Variants in CELF4 observed in about 807,000 individuals in gnomAD.
The protein encoded by CELF4 is CUG-BP- and ETR-3-like factor 4.
Under a neutral mutation model 59.9 loss-of-function variants are expected in CELF4, and 18 were observed. The ratio of observed to expected loss-of-function variants is 0.30; its 90% confidence interval spans 0.21 to 0.45. The LOEUF (loss-of-function observed/expected upper bound fraction) is 0.45, where lower values mean the gene tolerates loss of function less well. Among genes scored for constraint, CELF4 ranks in the 20% least tolerant of loss-of-function variants. The probability of loss-of-function intolerance (pLI) is 1.00; values close to 1 mark genes in which losing one functional copy is unlikely to be tolerated. For synonymous variants in CELF4, 261 were observed against 267.1 expected, an observed-to-expected ratio of 0.98 and a Z score of 0.22; for missense variants, 456 against 689.0, an observed-to-expected ratio of 0.66 and a Z score of 3.79.
intron 1 of CELF4, among the ~76,000 whole-genome samples, chr18:37,557,598 T>C (rs935675456): frequency 3.3e-5 from 5 of 152,194 alleles, no homozygotes; most frequent in African/African-American, 1.2e-4. Context: ...TTAACAAAGG[T>C]GATAATTAAT....
intron 3 of CELF4, among the ~76,000 whole-genome samples, chr18:37,309,066 C>T (rs1284175477): frequency 6.6e-6 from 1 of 152,202 alleles, no homozygotes; most frequent in Non-Finnish European, 1.5e-5. Flanking sequence ...CTACTACCCA[C>T]CCATGCCAAA....
At chr18:37,386,441 GCCAGCTTGAGGGAGAA>G (rs933960648) in intron 2 of CELF4, among the ~76,000 whole-genome samples, 12 of 152,150 alleles carry the variant, frequency 7.9e-5, no homozygotes, top group Admixed American at 3.3e-4. Flanking sequence ...GTGTGGAGAG[GCCAGCTTGAGGGAGAA>G]CCAGCTTGAG....
chr18:37,272,202 G>T (rs528437262), intron 7 of CELF4, among the ~76,000 whole-genome samples: 1 of 152,294 alleles, frequency 6.6e-6, no homozygotes, highest in South Asian at 2.1e-4. Flanking sequence ...CTAGACTAGC[G>T]TTTCTCAACT....
chr18:37,525,246 T>C (rs1250157743), intron 1 of CELF4, among the ~76,000 whole-genome samples: 1 of 152,210 alleles, frequency 6.6e-6, no homozygotes, highest in African/African-American at 2.4e-5. Context: ...CTTTCACACC[T>C]GTCTTCACCA....
rs747722508 is a variant in CELF4, at chr18:37,266,604, G to T, written c.1100-6C>A. The stretch of plus-strand genomic sequence containing the variant: ...CGCGGCGGTGGGGCTCTGTGCTGTA[G>T]GGAGCCAAGGGGACAGAGGTCAGCA... On this transcript the variant is annotated splice_polypyrimidine_tract_variant and splice_region_variant and intron_variant, in intron 8 of 12. Coordinates refer to ENST00000420428, the MANE Select transcript of CELF4 (RefSeq NM_020180.4). The T allele has an allele frequency of 3.2e-6, 5 of 1,580,018 alleles. No individual in the cohort carries two copies. Among genetic ancestry groups the T allele is most frequent in the African/African-American group, 2.7e-5 (2 of 74,638 alleles).
chr18:37,366,838 G>A (rs1208433089), intron 2 of CELF4, among the ~76,000 whole-genome samples: 1 of 152,088 alleles, frequency 6.6e-6, no homozygotes, highest in East Asian at 1.9e-4. Flanking sequence ...CCCTGTCTGG[G>A]TGGAGCCCTC....
intron 8 of CELF4, among the ~76,000 whole-genome samples, 168 bp downstream of exon 8, chr18:37,270,600 G>A (rs148093715): frequency 6.6e-6 from 1 of 152,208 alleles, no homozygotes; most frequent in East Asian, 1.9e-4. Context: ...TTTCCATCAC[G>A]GGCTCCCTGA....
intron 3 of CELF4, among the ~76,000 whole-genome samples, chr18:37,290,393 G>C (rs2095254062): frequency 6.6e-6 from 1 of 152,194 alleles, no homozygotes. Context: ...CTGAATTCAA[G>C]GTGGAGTTTT....
intron 2 of CELF4, among the ~76,000 whole-genome samples, chr18:37,477,845 G>T (rs950744250): frequency 1.3e-5 from 2 of 152,112 alleles, no homozygotes; most frequent in African/African-American, 4.8e-5. Context: ...CGCTGCTGCC[G>T]CTGACTTGGG....
intron 2 of CELF4, among the ~76,000 whole-genome samples, chr18:37,427,460 T>C (rs949130787): frequency 6.6e-6 from 1 of 152,084 alleles, no homozygotes; most frequent in Non-Finnish European, 1.5e-5. Context: ...ATGTCCACAG[T>C]TGGGTCCTTT....
intron 2 of CELF4, among the ~76,000 whole-genome samples, chr18:37,362,534 G>A (rs979526099): frequency 6.6e-6 from 1 of 152,136 alleles, no homozygotes; most frequent in Non-Finnish European, 1.5e-5. Flanking sequence ...AGAGAGCACA[G>A]TGCAGACTCT....
chr18:37,449,977 C>T (rs1280112445), intron 2 of CELF4, among the ~76,000 whole-genome samples: 2 of 152,296 alleles, frequency 1.3e-5, no homozygotes, highest in Middle Eastern at 3.4e-3. Flanking sequence ...GAAGTCCCTG[C>T]ACTAACAAGG....
chr18:37,428,040 C>T (rs1414753480), intron 2 of CELF4, among the ~76,000 whole-genome samples: 2 of 152,222 alleles, frequency 1.3e-5, no homozygotes, highest in African/African-American at 4.8e-5. Flanking sequence ...TTTCACCTAC[C>T]TGCAAGTATG....
rs908171876 is a variant in CELF4, at chr18:37,246,499, T to C, written c.*45-1302A>G. ...ACCTTACAATTGTTACCGGGCTCTC[T>C]TGCAGAGGCCTCTGGCTTTGTACTC... On this transcript the variant is annotated intron_variant, in intron 12 of 12. Coordinates refer to ENST00000420428, the MANE Select transcript of CELF4 (RefSeq NM_020180.4). This position sits in a 1 kb window ranked among gnomAD's most constrained non-coding sequence, Gnocchi z 5.3. Among the ~76,000 whole-genome samples the C allele has an allele frequency of 3.9e-5, 6 of 152,086 alleles. No homozygotes were observed. The highest frequency in any genetic ancestry group is 8.8e-5 in the Non-Finnish European group (6 of 68,012).
chr18:37,273,906 G>A, intron 6 of CELF4: 1 of 1,038,794 alleles, frequency 9.6e-7, no homozygotes, highest in South Asian at 3.6e-5. Flanking sequence ...AGCCCTGCCA[G>A]GAGAGACCAG....
At chr18:37,376,234 A>G (rs1320120833) in intron 2 of CELF4, among the ~76,000 whole-genome samples, 1 of 152,002 alleles carries the variant, frequency 6.6e-6, no homozygotes, top group African/African-American at 2.4e-5. Context: ...TCTTCAGGCC[A>G]TGTCCCTTTT....
chr18:37,256,167 C>T (rs1376329677), intron 11 of CELF4, among the ~76,000 whole-genome samples: 1 of 152,172 alleles, frequency 6.6e-6, no homozygotes, highest in Non-Finnish European at 1.5e-5. Flanking sequence ...TTCCCTCCTC[C>T]TATCCTCAGA....
chr18:37,423,262 C>T (rs1384355214), intron 2 of CELF4, among the ~76,000 whole-genome samples: 1 of 152,176 alleles, frequency 6.6e-6, no homozygotes, highest in Non-Finnish European at 1.5e-5. Context: ...CTTGGCTCAT[C>T]CACGTCCAGG....
intron 2 of CELF4, among the ~76,000 whole-genome samples, chr18:37,469,123 A>C (rs553259437): frequency 1.1e-4 from 16 of 152,312 alleles, no homozygotes; most frequent in African/African-American, 3.8e-4. Flanking sequence ...TGTTAACTGC[A>C]AGACTGTGTC....
Sources: allele counts gnomAD v4.1 joint callset (sites outside exome capture counted in the v4.1 genomes callset), GRCh38; gene constraint gnomAD v4.1.1; non-coding constraint Gnocchi (gnomAD v3.1); transcripts MANE v1.5; gene names NCBI Gene and HGNC (gene_info 2026-07-23, HGNC 2026-07-21).